The following ZNF148 variants were observed in gnomAD, a reference collection of about 807,000 sequenced individuals.
ZNF148 encodes zinc finger protein 148, also known as Beta-Enolase Repressor Factor-1.
Under a neutral mutation model 67.7 loss-of-function variants are expected in ZNF148, and 7 were observed. The ratio of observed to expected loss-of-function variants is 0.10; its 90% confidence interval spans 0.06 to 0.19. The LOEUF (loss-of-function observed/expected upper bound fraction) is 0.19. Ranked by LOEUF, ZNF148 falls within the 10% of genes least tolerant of loss-of-function variation. ZNF148 has a pLI of 1.00. For synonymous variants in ZNF148, 333 were observed against 330.7 expected (o/e 1.01, Z -0.08); for missense variants, 583 against 947.1 (o/e 0.62, Z 5.05).
intron 1 of ZNF148, 25 bp downstream of exon 1, chr3:125,375,077 G>A (rs1454708535): frequency 1.5e-5 from 2 of 135,412 alleles, no homozygotes; most frequent in Admixed American, 1.5e-4. Flanking sequence ...CCCCGGGCCC[G>A]GGCCTGCCAG....
At position 125,313,415 on chromosome 3, in the gene ZNF148, A is replaced by G. The variant is rs950841629; in HGVS notation, c.226T>C (p.Ser76Pro). ...TCATGGACCATGAGTTCATCATGTG[A>G]TATCATATCCTGTTGTCTCATTTCA... The part of the protein sequence containing the change: ...ESEMRQQDMI[S>P]HDELMVHEET... Residue 76 changes from serine to proline, a missense_variant, in exon 4 of 9, where the codon TCA becomes CCA. Transcript: ENST00000360647. The G allele has an allele frequency of 6.2e-6, 10 of 1,613,982 alleles. No individual in the cohort carries two copies. Among genetic ancestry groups the G allele is most frequent in the Non-Finnish European group, 8.5e-6 (10 of 1,180,024 alleles).
intron 1 of ZNF148, 96 bp from the exon 2 acceptor site, chr3:125,331,334 T>C: frequency 2.5e-6 from 1 of 396,628 alleles, no homozygotes; most frequent in Non-Finnish European, 4.4e-6. Flanking sequence ...TTAAGTGTCC[T>C]AAGTCTACCA....
intron 5 of ZNF148, among the ~76,000 whole-genome samples, chr3:125,283,250 T>A (rs1183817034): frequency 6.6e-6 from 1 of 152,152 alleles, no homozygotes; most frequent in African/African-American, 2.4e-5. Context: ...TCTAACATTG[T>A]CACTTTCTTT....
At chr3:125,256,267 C>T (rs1169999981) in intron 7 of ZNF148, among the ~76,000 whole-genome samples, 1 of 151,552 alleles carries the variant, frequency 6.6e-6, no homozygotes, top group Non-Finnish European at 1.5e-5. Flanking sequence ...ACTCGGGAGG[C>T]TGAGGCAGGA....
At chr3:125,300,816 T>C (rs751020860) in intron 4 of ZNF148, among the ~76,000 whole-genome samples, 2 of 152,250 alleles carry the variant, frequency 1.3e-5, no homozygotes, top group African/African-American at 4.8e-5. Context: ...AATTACAATT[T>C]GCTCTGTTTT....
intron 4 of ZNF148, among the ~76,000 whole-genome samples, chr3:125,312,478 C>T (rs1370711293): frequency 1.3e-5 from 2 of 152,184 alleles, no homozygotes; most frequent in Admixed American, 6.5e-5. Flanking sequence ...TACAATCCAT[C>T]AGAGAAGCAT....
rs923356321 is a variant in ZNF148, at chr3:125,232,056, GTCT to G, written c.*282_*284del. ...TCAGTTAGGAAACAATTGTGCGAAA[GTCT>G]TTTTTTTTTCCTTTTTAACTTGGTG... is the stretch of plus-strand genomic sequence containing the variant. On this transcript the variant is annotated 3_prime_UTR_variant, in exon 9 of 9. Transcript: ENST00000360647. This position sits in a 1 kb window ranked among gnomAD's most constrained non-coding sequence, Gnocchi z 4.2. The G allele has an allele frequency of 3.3e-5, 10 of 300,142 alleles. No individual in the cohort carries two copies. The highest frequency in any genetic ancestry group is 2.2e-4 in the African/African-American group (10 of 46,076). The allele number at this position is 300,142 out of a possible 1,614,324, so 18.6% of individuals were successfully genotyped here.
At chr3:125,341,273 A>T (rs928738985) in intron 1 of ZNF148, among the ~76,000 whole-genome samples, 4 of 151,684 alleles carry the variant, frequency 2.6e-5, no homozygotes, top group African/African-American at 7.3e-5. Context: ...AGAAGTTATT[A>T]AAAAAAGAAG....
At chr3:125,243,291 G>A (rs774501301) in intron 7 of ZNF148, among the ~76,000 whole-genome samples, 40 of 151,978 alleles carry the variant, frequency 2.6e-4, no homozygotes, top group Admixed American at 1.4e-3. Flanking sequence ...TATTCCCTGC[G>A]TATGTGTGTG....
At chr3:125,272,081 T>C (rs1937773709) in intron 7 of ZNF148, among the ~76,000 whole-genome samples, 1 of 152,232 alleles carries the variant, frequency 6.6e-6, no homozygotes, top group African/African-American at 2.4e-5. Context: ...GTGATGACAC[T>C]TGACTCCCAT....
Position 125,227,764 on chromosome 3 carries a change from TG to T in ZNF148, c.*4576del, listed in dbSNP as rs1935697745. The T allele has an allele frequency of 6.6e-6, 1 of 152,588 alleles. No individual in the cohort carries two copies. Among genetic ancestry groups the T allele is most frequent in the East Asian group, 1.9e-4 (1 of 5,206 alleles). 9.5% of individuals were successfully genotyped at this position (152,588 alleles called of 1,614,324 possible). On this transcript the variant is annotated 3_prime_UTR_variant, in exon 9 of 9. Transcript: ENST00000360647. Reference sequence around the variant, plus strand: ...ATACATTACATATAAAAGATACCAGTGTACTAAAAAGTGACAGAAGTGGACT... The same window carrying T: ...ATACATTACATATAAAAGATACCAGTTACTAAAAAGTGACAGAAGTGGACT...
intron 1 of ZNF148, among the ~76,000 whole-genome samples, chr3:125,358,341 A>T (rs185517025): frequency 4.1e-4 from 62 of 152,322 alleles, no homozygotes; most frequent in African/African-American, 1.4e-3. Context: ...AAAAAGCTTC[A>T]TAAATCACTT....
chr3:125,282,178 A>G (rs1189201034), intron 5 of ZNF148, among the ~76,000 whole-genome samples: 1 of 152,178 alleles, frequency 6.6e-6, no homozygotes, highest in Non-Finnish European at 1.5e-5. Flanking sequence ...CCTTAGCAGA[A>G]CACAAATAGC....
chr3:125,308,365 C>T (rs907821081), intron 4 of ZNF148, among the ~76,000 whole-genome samples: 18 of 151,998 alleles, frequency 1.2e-4, no homozygotes, highest in African/African-American at 4.4e-4. Context: ...TAACTTTACA[C>T]TGAAAACTAC....
chr3:125,343,805 G>A (rs535157789), intron 1 of ZNF148, among the ~76,000 whole-genome samples: 2 of 152,064 alleles, frequency 1.3e-5, no homozygotes, highest in East Asian at 1.9e-4. Flanking sequence ...TTTAAGAGCT[G>A]TAACACTCAC....
chr3:125,362,741 G>GA, intron 1 of ZNF148, among the ~76,000 whole-genome samples: 1 of 152,046 alleles, frequency 6.6e-6, no homozygotes, highest in Admixed American at 6.6e-5. Context: ...CTTTGGTAGA[G>GA]ATGAGGTTTC....
At chr3:125,291,504 T>G (rs1308385404) in intron 4 of ZNF148, among the ~76,000 whole-genome samples, 1 of 152,178 alleles carries the variant, frequency 6.6e-6, no homozygotes, top group Non-Finnish European at 1.5e-5. Context: ...GTATTCTCAC[T>G]CATCTTCCAA....
At chr3:125,279,806 T>C (rs954038138) in intron 5 of ZNF148, among the ~76,000 whole-genome samples, 3 of 151,706 alleles carry the variant, frequency 2.0e-5, no homozygotes, top group South Asian at 2.1e-4. Context: ...CTTTTGTATA[T>C]AAAAGGTACA....
rs1216661058 is a variant in ZNF148, at chr3:125,226,337, T to C, written c.*6004A>G. 1 of 152,394 alleles carries C rather than the reference T, an allele frequency of 6.6e-6. No homozygotes were observed. 9.4% of individuals were successfully genotyped at this position (152,394 alleles called of 1,614,324 possible). On this transcript the variant is annotated 3_prime_UTR_variant, in exon 9 of 9. Transcript: ENST00000360647. ...CCATTCGTTATTTGGTTCAGAATAT[T>C]GTGAAAAATTCAGCTCGAAAATTAT... is the stretch of plus-strand genomic sequence containing the variant.
Sources: allele counts gnomAD v4.1 joint callset (sites outside exome capture counted in the v4.1 genomes callset), GRCh38; gene constraint gnomAD v4.1.1; non-coding constraint Gnocchi (gnomAD v3.1); transcripts MANE v1.5; gene names NCBI Gene and HGNC (gene_info 2026-07-23, HGNC 2026-07-21).